COL12A1: variants seen among roughly 807,000 people sequenced by gnomAD.
COL12A1 encodes the protein collagen alpha-1(XII) chain.
In COL12A1, 114 loss-of-function variants were observed where a neutral mutation model predicts 349.7. The observed-to-expected ratio is 0.33, with a 90% CI of 0.28 to 0.38. COL12A1 has a LOEUF of 0.38. Ranked by LOEUF, COL12A1 falls within the 10% of genes least tolerant of loss-of-function variation. The pLI, the probability that COL12A1 is intolerant of heterozygous loss-of-function variation, is 1.00. For synonymous variants in COL12A1, 1,369 were observed against 1,329.0 expected (o/e 1.03, Z -0.66); for missense variants, 3,284 against 3,756.9 (o/e 0.87, Z 3.29).
intron 57 of COL12A1, 42 bp from the exon 58 acceptor site, chr6:75,101,695 T>G (rs760245683): frequency 6.3e-7 from 1 of 1,586,216 alleles, no homozygotes; most frequent in African/African-American, 1.4e-5. Flanking sequence ...TATAATATAC[T>G]TCCTGTGTGG....
At chr6:75,112,080 C>T (rs1768866843) in intron 51 of COL12A1, among the ~76,000 whole-genome samples, 2 of 151,730 alleles carry the variant, frequency 1.3e-5, no homozygotes, top group Admixed American at 1.3e-4. Flanking sequence ...TTCTACATGC[C>T]ACACTGGAGA....
chr6:75,095,077 C>CA, intron 60 of COL12A1, 31 bp downstream of exon 60: 1 of 1,601,514 alleles, frequency 6.2e-7, no homozygotes, highest in Non-Finnish European at 8.5e-7. Context: ...GGTGAAACCA[C>CA]TGTCAGTAGA....
chr6:75,121,528 A>C, intron 43 of COL12A1, 87 bp from the exon 44 acceptor site: 1 of 1,388,024 alleles, frequency 7.2e-7, no homozygotes, highest in Non-Finnish European at 9.5e-7. Context: ...GCAATATAAC[A>C]CCTTGCTACG....
intron 51 of COL12A1, among the ~76,000 whole-genome samples, chr6:75,112,869 A>T (rs554417805): frequency 2.0e-5 from 3 of 151,680 alleles, no homozygotes; most frequent in Non-Finnish European, 4.4e-5. Flanking sequence ...ATTAAAACAT[A>T]ATCCACTAAA....
chr6:75,154,381 T>G (rs73749977), intron 17 of COL12A1, 35 bp downstream of exon 17: 1 of 1,602,172 alleles, frequency 6.2e-7, no homozygotes, highest in Non-Finnish European at 8.5e-7. Flanking sequence ...GTTTCCTAAG[T>G]TGTTTTCCTC....
chr6:75,126,375 A>G lies in COL12A1; in HGVS notation c.6436T>C (p.Tyr2146His). 3 of 1,611,014 alleles carry G rather than the reference A, an allele frequency of 1.9e-6. No homozygotes were observed. The highest frequency in any genetic ancestry group is 2.5e-6 in the Non-Finnish European group (3 of 1,177,600). The stretch of plus-strand genomic sequence containing the variant: ...CCCACTGGCTTATATACTATTTTAT[A>G]TCCAAGAACTGGAGAAGGTGAAGGA... ...WDPSPSPVLG[Y>H]KIVYKPVGSN... The change falls in exon 39 of 66, where the codon TAT becomes CAT. Residue 2146 changes from tyrosine to histidine, a missense_variant. This residue lies in a region of COL12A1 where 2,601 missense variants were observed against 2,824.8 expected (regional missense o/e 0.92). Transcript: ENST00000322507.
chr6:75,168,038 G>T (rs919075668), intron 13 of COL12A1, among the ~76,000 whole-genome samples: 1 of 152,074 alleles, frequency 6.6e-6, no homozygotes. Flanking sequence ...GTATGTAAAG[G>T]CAGGCACTGT....
At chr6:75,135,703 T>C (rs1018105391) in intron 31 of COL12A1, among the ~76,000 whole-genome samples, 2 of 152,176 alleles carry the variant, frequency 1.3e-5, no homozygotes, top group Non-Finnish European at 2.9e-5. Context: ...ACTCAAGTAG[T>C]CTGAATTCCA....
chr6:75,167,343 C>T (rs932451163), intron 13 of COL12A1, among the ~76,000 whole-genome samples: 1 of 152,036 alleles, frequency 6.6e-6, no homozygotes, highest in African/African-American at 2.4e-5. Context: ...TCAATATGTG[C>T]CTTTTCCTCT....
In COL12A1 at chr6:75,183,274, G is replaced by A. The variant is rs538463802; in HGVS notation, c.1667C>T (p.Ala556Val). ...ILITDGKSSD[A>V]FRDPAIKLRN... ...CAGTTTTATCGCAGGATCTCTGAAA[G>A]CATCTGATGATTTCCCATCCGTGAT... The change falls in exon 10 of 66, where the codon GCT becomes GTT. Residue 556 changes from alanine (A) to valine (V), a missense_variant. By Grantham distance (64) the Ala-to-Val change is moderately conservative (BLOSUM62 0). Transcript: ENST00000322507. 2.4e-5 allele frequency: 38 copies of A among 1,614,178 alleles called. No homozygotes were observed. Among genetic ancestry groups the A allele is most frequent in the Non-Finnish European group, 3.1e-5 (36 of 1,180,020 alleles).
At position 75,180,954 on chromosome 6, in the gene COL12A1, C is replaced by T. The variant is rs370891083; in HGVS notation, c.2149G>A (p.Glu717Lys). Residue 717 changes from glutamate to lysine, a missense_variant, in exon 11 of 66, where the codon GAG becomes AAG. Physicochemically the swap from Glu to Lys is moderately conservative, Grantham distance 56. Coordinates refer to ENST00000322507, the MANE Select transcript of COL12A1 (RefSeq NM_004370.6). ...CCCATCACACCTTCTTCGGTGGTCT[C>T]CTCTCCAGCTAAGGGAATGCTGAAG... ...DGFSIPLAGE[E>K]TTEEVKGAPR... 4 of 1,612,860 alleles carry T rather than the reference C, an allele frequency of 2.5e-6. No individual in the cohort carries two copies. The highest frequency in any genetic ancestry group is 2.7e-5 in the African/African-American group (2 of 74,958).
chr6:75,154,006 G>A (rs190461945), intron 17 of COL12A1, among the ~76,000 whole-genome samples: 1 of 151,768 alleles, frequency 6.6e-6, no homozygotes, highest in African/African-American at 2.4e-5. Flanking sequence ...AAATAATAGA[G>A]CTTAATTATG....
Position 75,165,526 on chromosome 6 carries a change from A to G in COL12A1, c.2964T>C (p.Thr988=). 1 of 1,613,746 alleles carries G rather than the reference A, an allele frequency of 6.2e-7. No individual in the cohort carries two copies. The highest frequency in any genetic ancestry group is 8.5e-7 in the Non-Finnish European group (1 of 1,179,824). ...ACCTACATTCAGTTGTGGCATCTCC[A>G]GTCAAAGGTTCTCCTTCTCCACTGC... ...TYSSGEGEPL[T]GDATTELSQD... The change falls in exon 14 of 66, where the codon ACT becomes ACC. Residue 988 remains threonine (T), a synonymous_variant. Coordinates refer to ENST00000322507, the MANE Select transcript of COL12A1 (RefSeq NM_004370.6).
Position 75,086,459 on chromosome 6 carries a change from T to C in COL12A1, c.*88A>G. 8.0e-7 allele frequency: 1 copy of C among 1,254,994 alleles called. No homozygotes were observed. The highest frequency in any genetic ancestry group is 1.1e-6 in the Non-Finnish European group (1 of 887,954). 77.7% of individuals were successfully genotyped at this position (1,254,994 alleles called of 1,614,324 possible). ...GTGGTGAGATTTCCATACAGACTCA[T>C]TTCCTAATAAGCACGTGCGCAAACA... On this transcript the variant is annotated 3_prime_UTR_variant, in exon 66 of 66. Coordinates refer to ENST00000322507, the MANE Select transcript of COL12A1 (RefSeq NM_004370.6).
At chr6:75,122,216 G>T (rs1562159821) in intron 43 of COL12A1, among the ~76,000 whole-genome samples, 1 of 152,182 alleles carries the variant, frequency 6.6e-6, no homozygotes, top group African/African-American at 2.4e-5. Context: ...GGAATATCTA[G>T]ACTTAGAGGC....
chr6:75,118,798 T>C (rs898331134), intron 46 of COL12A1, among the ~76,000 whole-genome samples: 4 of 152,206 alleles, frequency 2.6e-5, no homozygotes, highest in African/African-American at 7.2e-5. Flanking sequence ...CCAGCCAGTA[T>C]GGGAAAATGT....
At chr6:75,123,213 G>A in intron 43 of COL12A1, 117 bp downstream of exon 43, 4 of 936,346 alleles carry the variant, frequency 4.3e-6, no homozygotes, top group Non-Finnish European at 6.7e-6. Flanking sequence ...AAACTCTTCA[G>A]CAGCAATAAT....
chr6:75,134,065 C>T, intron 32 of COL12A1, 68 bp from the exon 33 acceptor site: 3 of 1,529,646 alleles, frequency 2.0e-6, no homozygotes, highest in Non-Finnish European at 2.7e-6. Context: ...CACAGATTCA[C>T]TGATATCTCC....
Position 75,145,387 on chromosome 6 carries a change from G to A in COL12A1, c.4629C>T (p.Val1543=), listed in dbSNP as rs748910845. 12 of 1,613,966 alleles carry A rather than the reference G, an allele frequency of 7.4e-6. No homozygotes were observed. Among genetic ancestry groups the A allele is most frequent in the Non-Finnish European group, 1.0e-5 (12 of 1,179,892 alleles). ...TDLVPNTEYA[V]TVQAVLHDLT... Reference sequence around the variant, plus strand: ...GGTCGTGCAGGACAGCCTGGACTGTGACTGCATACTCCGTGTTGGGAACAA... The same window carrying A: ...GGTCGTGCAGGACAGCCTGGACTGTAACTGCATACTCCGTGTTGGGAACAA... The change falls in exon 25 of 66, where the codon GTC becomes GTT. Residue 1543 remains valine, a synonymous_variant. Coordinates refer to ENST00000322507, the MANE Select transcript of COL12A1 (RefSeq NM_004370.6).
Sources: gnomAD v4.1 joint callset for allele counts (sites outside exome capture counted in the v4.1 genomes callset) on GRCh38, gnomAD v4.1.1 for gene constraint, gnomAD v4.1.1 regional missense constraint, MANE v1.5 for transcripts, NCBI Gene and HGNC (gene_info 2026-07-23, HGNC 2026-07-21) for gene names.